Variants in C6orf52 observed in about 807,000 individuals in gnomAD.
The protein encoded by C6orf52 is chromosome 6 open reading frame 52.
In C6orf52, 16 loss-of-function variants were observed where a neutral mutation model predicts 16.6. The observed-to-expected ratio is 0.96, with a 90% confidence interval of 0.65 to 1.46. The LOEUF (loss-of-function observed/expected upper bound fraction) is 1.46, where lower values mean the gene tolerates loss of function less well. Among genes scored for constraint, C6orf52 ranks in the 40% most tolerant of loss-of-function variants. The pLI, the probability that C6orf52 is intolerant of heterozygous loss-of-function variation, is 0.00. For missense variants in C6orf52, 166 were observed against 182.3 expected, an observed-to-expected ratio of 0.91 and a Z score of 0.52; for synonymous variants, 53 against 61.4, an observed-to-expected ratio of 0.86 and a Z score of 0.64.
chr6:10,682,532 G>A lies in C6orf52; in HGVS notation c.316+655C>T, dbSNP rs142383825. Among the ~76,000 whole-genome samples, 113 of 152,258 alleles carry A rather than the reference G, an allele frequency of 7.4e-4. No homozygotes were observed. In the South Asian group the frequency reaches 7.5e-3, roughly 10 times the overall value. ...GATAAAGTCATAAAGGCAGTGGGTG[G>A]GTTTGTCTGGTAGGGGCAGGGGTTT... On this transcript the variant is annotated intron_variant, in intron 4 of 4. Transcript: ENST00000259983.
chr6:10,690,456 A>C (rs900307002), intron 1 of C6orf52, among the ~76,000 whole-genome samples: 1 of 152,192 alleles, frequency 6.6e-6, no homozygotes, highest in Non-Finnish European at 1.5e-5. Context: ...ATAGTCCTTG[A>C]ATTTAACAGA....
At chr6:10,685,896 G>A (rs1434488152) in intron 3 of C6orf52, among the ~76,000 whole-genome samples, 1 of 152,262 alleles carries the variant, frequency 6.6e-6, no homozygotes, top group East Asian at 1.9e-4. Flanking sequence ...ATTTTTTAAT[G>A]TTATATCCTT....
intron 2 of C6orf52, 123 bp from the exon 3 acceptor site, chr6:10,687,287 A>G (rs1768937181): frequency 1.2e-6 from 1 of 803,070 alleles, no homozygotes; most frequent in African/African-American, 1.8e-5. Context: ...TTTGATACCT[A>G]ATGTAGATGA....
At chr6:10,694,441 G>C (rs1268380146) in intron 1 of C6orf52, 53 bp downstream of exon 1, 1 of 154,574 alleles carries the variant, frequency 6.5e-6, no homozygotes, top group African/African-American at 2.4e-5. Context: ...GGCAGCGCGA[G>C]CGCTGCGCCG....
chr6:10,680,931 T>C (rs1319264154), intron 4 of C6orf52, among the ~76,000 whole-genome samples: 2 of 152,086 alleles, frequency 1.3e-5, no homozygotes, highest in Non-Finnish European at 2.9e-5. Flanking sequence ...CTCTCAAATA[T>C]TTGGGACTAT....
rs369090432 is a variant in C6orf52 at position 10,680,974 on chromosome 6, A to T, written c.316+2213T>A. Among the ~76,000 whole-genome samples, 231 of 152,116 alleles carry T rather than the reference A, an allele frequency of 1.5e-3. 2 individuals carry two copies. Among genetic ancestry groups the T allele is most frequent in the African/African-American group, 5.0e-3 (207 of 41,528 alleles). The stretch of plus-strand genomic sequence containing the variant: ...TGCTACCATACCCAGTTATTTTTTT[A>T]AATTTTTTGTAGAGACAAGGTCTCA... On this transcript the variant is annotated intron_variant, in intron 4 of 4. Transcript: ENST00000259983.
At chr6:10,689,378 C>T (rs1366133840) in intron 1 of C6orf52, among the ~76,000 whole-genome samples, 1 of 152,204 alleles carries the variant, frequency 6.6e-6, no homozygotes, top group Non-Finnish European at 1.5e-5. Flanking sequence ...TGGTGATGTA[C>T]TGGAGTTTAT....
At chr6:10,693,383 T>C (rs1333559557) in intron 1 of C6orf52, among the ~76,000 whole-genome samples, 4 of 152,250 alleles carry the variant, frequency 2.6e-5, no homozygotes, top group African/African-American at 9.6e-5. Flanking sequence ...TCACCAATTA[T>C]CTATTTCTAA....
rs896403163 is a variant in C6orf52 at position 10,671,646 on chromosome 6, A to G, written c.317-48T>C. On this transcript the variant is annotated intron_variant, in intron 4 of 4. Transcript: ENST00000259983. The stretch of plus-strand genomic sequence containing the variant: ...TGAAAAAAATAGAGTTTTACAGGAC[A>G]CATACTAGAAATAGTTTAAAATTAG... 3.2e-6 allele frequency: 4 copies of G among 1,256,194 alleles called. No homozygotes were observed. In the African/African-American group the frequency reaches 4.7e-5, roughly 15 times the overall value. 77.8% of individuals were successfully genotyped at this position (1,256,194 alleles called of 1,614,324 possible). A position where few individuals can be genotyped will look rare whatever the true frequency, so the allele number is the denominator to read the frequency against.
At chr6:10,686,432 G>A (rs1044158732) in intron 3 of C6orf52, among the ~76,000 whole-genome samples, 2 of 152,124 alleles carry the variant, frequency 1.3e-5, no homozygotes, top group Admixed American at 1.3e-4. Context: ...GTGTGTGTGG[G>A]GGGGAACTTT....
At chr6:10,671,994 A>C (rs1431853881) in intron 4 of C6orf52, among the ~76,000 whole-genome samples, 2 of 152,228 alleles carry the variant, frequency 1.3e-5, no homozygotes, top group African/African-American at 4.8e-5. Flanking sequence ...AGGGGTTTGT[A>C]AAAATACACA....
chr6:10,678,903 G>A (rs2127463450), intron 4 of C6orf52, among the ~76,000 whole-genome samples: 1 of 152,066 alleles, frequency 6.6e-6, no homozygotes, highest in East Asian at 1.9e-4. Context: ...GACCATCCTG[G>A]CCAACATGGT....
At position 10,694,592 on chromosome 6, in the gene C6orf52, GCCC is replaced by G; in HGVS notation, c.-113_-111del. 15 of 180,818 alleles carry G rather than the reference GCCC, an allele frequency of 8.3e-5. No homozygotes were observed. Among genetic ancestry groups the G allele is most frequent in the South Asian group, 1.9e-4 (2 of 10,510 alleles). The allele number at this position is 180,818 out of a possible 1,614,324, so 11.2% of individuals were successfully genotyped here. ...AACAATGCACGCTGCCGGCGCTACA[GCCC>G]CTAAGCAACCGGCCGGAAGTCGGCC... On this transcript the variant is annotated 5_prime_UTR_variant, in exon 1 of 5. Transcript: ENST00000259983.
At chr6:10,674,953 G>A (rs1767751570) in intron 4 of C6orf52, among the ~76,000 whole-genome samples, 2 of 151,926 alleles carry the variant, frequency 1.3e-5, no homozygotes, top group Non-Finnish European at 1.5e-5. Flanking sequence ...GGGATTACAG[G>A]CGCACACCAC....
At chr6:10,693,109 G>A (rs1769494435) in intron 1 of C6orf52, among the ~76,000 whole-genome samples, 1 of 152,198 alleles carries the variant, frequency 6.6e-6, no homozygotes, top group African/African-American at 2.4e-5. Context: ...TGCGGGACAT[G>A]CTCACAGGCC....
intron 1 of C6orf52, among the ~76,000 whole-genome samples, chr6:10,693,524 G>T (rs1473518586): frequency 2.0e-5 from 3 of 152,162 alleles, no homozygotes; most frequent in Admixed American, 6.5e-5. Flanking sequence ...AAAGTTATTG[G>T]AAACAAAAGG....
intron 1 of C6orf52, among the ~76,000 whole-genome samples, chr6:10,691,201 TAA>T (rs1769264163): frequency 6.6e-6 from 1 of 152,150 alleles, no homozygotes; most frequent in South Asian, 2.1e-4. Flanking sequence ...AAACAGTACT[TAA>T]ATTGTAGCAG....
chr6:10,686,602 C>G (rs1240954138), intron 3 of C6orf52, among the ~76,000 whole-genome samples: 2 of 152,096 alleles, frequency 1.3e-5, no homozygotes, highest in African/African-American at 2.4e-5. Flanking sequence ...TAAAATTTAT[C>G]GAATTATGAT....
At chr6:10,680,528 A>G (rs1373939364) in intron 4 of C6orf52, among the ~76,000 whole-genome samples, 1 of 152,128 alleles carries the variant, frequency 6.6e-6, no homozygotes, top group Non-Finnish European at 1.5e-5. Flanking sequence ...TGCTGGCTTC[A>G]TAAAATAAGT....
Sources: allele counts gnomAD v4.1 joint callset (sites outside exome capture counted in the v4.1 genomes callset), GRCh38; gene constraint gnomAD v4.1.1; transcripts MANE v1.5; gene names NCBI Gene and HGNC (gene_info 2026-07-23, HGNC 2026-07-21).